The following LARGE1 variants were observed in gnomAD, a reference collection of about 807,000 sequenced individuals.
LARGE1 encodes the protein xylosyl- and glucuronyltransferase LARGE1.
In LARGE1, 43 loss-of-function variants were observed where a neutral mutation model predicts 87.6. That is an observed-to-expected ratio of 0.49 (90% CI 0.38 to 0.63). The LOEUF (loss-of-function observed/expected upper bound fraction) is 0.63, where lower values mean the gene tolerates loss of function less well. Ranked by LOEUF, LARGE1 falls within the 30% of genes least tolerant of loss-of-function variation. The pLI is 0.00. For missense variants in LARGE1, 802 were observed against 1,000.2 expected, an observed-to-expected ratio of 0.80 and a Z score of 2.67; for synonymous variants, 434 against 394.6, an observed-to-expected ratio of 1.10 and a Z score of -1.18.
chr22:33,120,199 A>C, the LARGE1 span, among the ~76,000 whole-genome samples: 1 of 152,088 alleles, frequency 6.6e-6, no homozygotes, highest in African/African-American at 2.4e-5. Flanking sequence ...TACACTCTTA[A>C]GTCTTTTCTC....
intron 2 of LARGE1, among the ~76,000 whole-genome samples, chr22:33,703,332 A>T (rs1185628628): frequency 1.3e-5 from 2 of 151,456 alleles, no homozygotes; most frequent in African/African-American, 4.9e-5. Context: ...CATGTTTAGG[A>T]CATGTATCCC....
At chr22:33,541,776 GTCATGGGATA>G (rs2148644785) in intron 6 of LARGE1, among the ~76,000 whole-genome samples, 1 of 149,308 alleles carries the variant, frequency 6.7e-6, no homozygotes, top group South Asian at 2.1e-4. Flanking sequence ...CAGTGCTGAT[GTCATGGGATA>G]TCAGGGTATC....
At chr22:33,472,655 T>C (rs1297774731) in intron 6 of LARGE1, among the ~76,000 whole-genome samples, 1 of 152,192 alleles carries the variant, frequency 6.6e-6, no homozygotes, top group African/African-American at 2.4e-5. Flanking sequence ...ATAGTCATTT[T>C]AGTGAAAAAG....
chr22:33,315,122 T>C (rs1219122972), intron 11 of LARGE1, among the ~76,000 whole-genome samples: 1 of 152,168 alleles, frequency 6.6e-6, no homozygotes, highest in Admixed American at 6.5e-5. Flanking sequence ...GGCAGAAGAA[T>C]GGTGTGAACC....
chr22:33,821,442 C>T (rs1297811246), intron 1 of LARGE1, among the ~76,000 whole-genome samples: 2 of 152,180 alleles, frequency 1.3e-5, no homozygotes, highest in Non-Finnish European at 2.9e-5. Context: ...CCATGACTTA[C>T]ACTTCTCATT....
At chr22:33,854,202 C>T (rs1601782228) in intron 1 of LARGE1, among the ~76,000 whole-genome samples, 1 of 102,772 alleles carries the variant, frequency 9.7e-6, no homozygotes, top group South Asian at 3.0e-4. Context: ...ATTATAAATG[C>T]ACTTAAGGGG....
At chr22:33,161,468 C>A (rs1177376629), downstream of LARGE1, among the ~76,000 whole-genome samples, 2 of 152,186 alleles carry the variant, frequency 1.3e-5, no homozygotes, top group South Asian at 2.1e-4. Context: ...AAGGCAAGTT[C>A]CTTCCACCGA....
At chr22:33,729,932 GGAAATGACA>G (rs2083400081) in intron 2 of LARGE1, among the ~76,000 whole-genome samples, 1 of 152,188 alleles carries the variant, frequency 6.6e-6, no homozygotes, top group Non-Finnish European at 1.5e-5. Context: ...GTTGGGGTAT[GGAAATGACA>G]GAAGTCCCTG....
chr22:33,495,729 A>G (rs1364003790), intron 6 of LARGE1, among the ~76,000 whole-genome samples: 1 of 152,160 alleles, frequency 6.6e-6, no homozygotes, highest in Non-Finnish European at 1.5e-5. Flanking sequence ...AAACGAAACA[A>G]AACAGAACAA....
At chr22:33,896,842 A>C (rs562228916) in intron 1 of LARGE1, among the ~76,000 whole-genome samples, 2 of 152,304 alleles carry the variant, frequency 1.3e-5, no homozygotes, top group Admixed American at 1.3e-4. Context: ...TCAGAATGAA[A>C]GCAATGCTCT....
chr22:33,626,942 G>A (rs114547075), intron 3 of LARGE1, among the ~76,000 whole-genome samples: 1 of 152,222 alleles, frequency 6.6e-6, no homozygotes, highest in Non-Finnish European at 1.5e-5. Context: ...CCCTGGGAGT[G>A]CTGCAGGGTC....
intron 2 of LARGE1, among the ~76,000 whole-genome samples, chr22:33,660,803 C>G (rs889640119): frequency 6.6e-6 from 1 of 152,180 alleles, no homozygotes; most frequent in Non-Finnish European, 1.5e-5. Context: ...TATAGAATTT[C>G]TTAATTTTCT....
intron 7 of LARGE1, among the ~76,000 whole-genome samples, chr22:33,393,153 G>A (rs912097796): frequency 6.6e-6 from 1 of 152,210 alleles, no homozygotes; most frequent in Admixed American, 6.5e-5. Flanking sequence ...TCATCATATT[G>A]ATATGAGCTT....
chr22:33,736,529 T>C (rs912931226), intron 2 of LARGE1, among the ~76,000 whole-genome samples: 1 of 152,276 alleles, frequency 6.6e-6, no homozygotes, highest in Non-Finnish European at 1.5e-5. Flanking sequence ...TCATCTATTC[T>C]GTACATAAGT....
intron 2 of LARGE1, among the ~76,000 whole-genome samples, chr22:33,750,451 C>G (rs1286800095): frequency 6.6e-6 from 1 of 152,172 alleles, no homozygotes; most frequent in Non-Finnish European, 1.5e-5. Flanking sequence ...CAAGTGCAAG[C>G]CAGATGCAGC....
intron 9 of LARGE1, among the ~76,000 whole-genome samples, chr22:33,354,504 A>G (rs1940705441): frequency 6.6e-6 from 1 of 152,220 alleles, no homozygotes; most frequent in Non-Finnish European, 1.5e-5. Flanking sequence ...GTGTTGTTTC[A>G]CTGAAAAGTC....
At chr22:33,536,528 T>A (rs5754596) in intron 6 of LARGE1, among the ~76,000 whole-genome samples, 90,235 of 152,190 alleles carry the variant, frequency 0.59, 26,971 homozygotes, top group Admixed American at 0.68. Flanking sequence ...CTTGTAGCTT[T>A]GCCAGAAACA....
chr22:33,073,088 G>T, the LARGE1 span, among the ~76,000 whole-genome samples: 1 of 152,298 alleles, frequency 6.6e-6, no homozygotes, highest in East Asian at 1.9e-4. Flanking sequence ...AATTTAAACA[G>T]GTCGTCTGTT....
chr22:33,564,559 C>T (rs1376274668), intron 6 of LARGE1, among the ~76,000 whole-genome samples: 12 of 152,144 alleles, frequency 7.9e-5, no homozygotes, highest in Admixed American at 6.5e-4. Context: ...ACACACGTCC[C>T]GACCAGTATG....
Sources: gnomAD v4.1 joint callset for allele counts (sites outside exome capture counted in the v4.1 genomes callset) on GRCh38, gnomAD v4.1.1 for gene constraint, MANE v1.5 for transcripts, NCBI Gene and HGNC (gene_info 2026-07-23, HGNC 2026-07-21) for gene names.